Variants in FAM228B observed in about 807,000 individuals in gnomAD.
FAM228B encodes protein FAM228B.
In FAM228B, 38 loss-of-function variants were observed where a neutral mutation model predicts 42.6. The observed-to-expected ratio is 0.89, with a 90% CI of 0.69 to 1.17. The LOEUF (loss-of-function observed/expected upper bound fraction) is 1.17, where lower values mean the gene tolerates loss of function less well. Ranked by LOEUF, FAM228B falls within the 50% of genes most tolerant of loss-of-function variation. The pLI, the probability that FAM228B is intolerant of heterozygous loss-of-function variation, is 0.00. For synonymous variants in FAM228B, 109 were observed against 122.3 expected, an observed-to-expected ratio of 0.89 and a Z score of 0.72; for missense variants, 344 against 367.3, an observed-to-expected ratio of 0.94 and a Z score of 0.52.
chr2:24,077,385 G>A lies in FAM228B; in HGVS notation c.-290+416G>A. The A allele has an allele frequency of 1.8e-6, 1 of 545,858 alleles. No individual in the cohort carries two copies. The highest frequency in any genetic ancestry group is 3.3e-5 in the Admixed American group (1 of 30,592). 33.8% of individuals were successfully genotyped at this position (545,858 alleles called of 1,614,324 possible). On this transcript the variant is annotated intron_variant, in intron 1 of 10. Transcript: ENST00000613899. This position sits in a 1 kb window ranked among gnomAD's most constrained non-coding sequence, Gnocchi z 5.5. ...TAATCCCCGCTGCGACGCCCGTCCGGACTCCCACCTCAACCCCGCCGCGGC... is the reference window on the plus strand; with the variant it reads ...TAATCCCCGCTGCGACGCCCGTCCGAACTCCCACCTCAACCCCGCCGCGGC...
intron 2 of FAM228B, among the ~76,000 whole-genome samples, chr2:24,093,922 T>C (rs2150992933): frequency 6.6e-6 from 1 of 151,940 alleles, no homozygotes; most frequent in Non-Finnish European, 1.5e-5. Context: ...TGGCTGCATG[T>C]GTCTTTGTAG....
chr2:24,087,481 T>C (rs1472820972), intron 2 of FAM228B: 1 of 152,182 alleles, frequency 6.6e-6, no homozygotes, highest in Non-Finnish European at 1.5e-5. Flanking sequence ...AACAAACCCT[T>C]ATAAGCACAC....
chr2:24,129,359 T>C (rs1344966521), intron 2 of FAM228B, among the ~76,000 whole-genome samples: 2 of 151,824 alleles, frequency 1.3e-5, no homozygotes, highest in East Asian at 3.9e-4. Flanking sequence ...TGTTTCCTGC[T>C]ACTCTGTCTT....
chr2:24,160,108 G>A (rs1667253259), intron 7 of FAM228B, among the ~76,000 whole-genome samples: 1 of 151,452 alleles, frequency 6.6e-6, no homozygotes, highest in Non-Finnish European at 1.5e-5. Context: ...CCACTCCTTG[G>A]CTCCCCAAGT....
At chr2:24,158,414 A>AT (rs750053809) in intron 7 of FAM228B, among the ~76,000 whole-genome samples, 1 of 151,834 alleles carries the variant, frequency 6.6e-6, no homozygotes, top group East Asian at 1.9e-4. Context: ...CCAGTCACTG[A>AT]TTAAGTCTGT....
intron 3 of FAM228B, among the ~76,000 whole-genome samples, chr2:24,116,383 G>A (rs1267290000): frequency 6.6e-6 from 1 of 152,022 alleles, no homozygotes; most frequent in Non-Finnish European, 1.5e-5. Context: ...TTAAAGATGG[G>A]GTCTCACTAT....
At chr2:24,129,242 G>C (rs146510431) in intron 2 of FAM228B, among the ~76,000 whole-genome samples, 11 of 151,814 alleles carry the variant, frequency 7.2e-5, no homozygotes, top group Admixed American at 2.0e-4. Flanking sequence ...CTATTTCTCA[G>C]GGGCCACTGT....
chr2:24,162,988 C>T (rs368659973), intron 8 of FAM228B, among the ~76,000 whole-genome samples: 21 of 151,960 alleles, frequency 1.4e-4, no homozygotes, highest in Non-Finnish European at 2.5e-4. Context: ...ATAAGATTGT[C>T]GTGGTGGTTG....
At chr2:24,167,198 GGGCTCCA>G (rs1465135649) in intron 9 of FAM228B, among the ~76,000 whole-genome samples, 2 of 152,174 alleles carry the variant, frequency 1.3e-5, no homozygotes, top group African/African-American at 4.8e-5. Context: ...GTGAGAGCGA[GGGCTCCA>G]GGCTCCAGCG....
At chr2:24,144,141 A>T (rs925189038) in intron 5 of FAM228B, among the ~76,000 whole-genome samples, 1 of 152,188 alleles carries the variant, frequency 6.6e-6, no homozygotes, top group Non-Finnish European at 1.5e-5. Flanking sequence ...TCTATCTTCA[A>T]TTTAAAATTT....
At chr2:24,136,002 A>T (rs1211099445) in intron 3 of FAM228B, among the ~76,000 whole-genome samples, 1 of 97,044 alleles carries the variant, frequency 1.0e-5, no homozygotes, top group African/African-American at 4.0e-5. Flanking sequence ...TTTCCATAGA[A>T]TGTTTTTCTT....
chr2:24,101,747 A>G (rs1201141339), intron 3 of FAM228B, among the ~76,000 whole-genome samples: 1 of 152,122 alleles, frequency 6.6e-6, no homozygotes, highest in East Asian at 1.9e-4. Flanking sequence ...CACTGGCGCG[A>G]TCTCAGCTCA....
At chr2:24,109,594 A>G (rs981118375) in intron 3 of FAM228B, among the ~76,000 whole-genome samples, 5 of 152,226 alleles carry the variant, frequency 3.3e-5, no homozygotes, top group African/African-American at 9.6e-5. Context: ...CAAATTTACA[A>G]GCAAAAACAA....
intron 3 of FAM228B, chr2:24,115,263 C>A (rs1665877697): frequency 3.6e-6 from 1 of 279,998 alleles, no homozygotes; most frequent in Non-Finnish European, 6.9e-6. Flanking sequence ...TGGTGAGAGC[C>A]TTGCATTCTT....
chr2:24,153,190 A>G (rs1292159096), intron 7 of FAM228B, among the ~76,000 whole-genome samples: 3 of 152,078 alleles, frequency 2.0e-5, no homozygotes, highest in Non-Finnish European at 4.4e-5. Context: ...CTATCCTACT[A>G]TGACTGAGCT....
intron 3 of FAM228B, among the ~76,000 whole-genome samples, chr2:24,105,172 G>A (rs1028830589): frequency 1.3e-5 from 2 of 152,178 alleles, no homozygotes; most frequent in African/African-American, 2.4e-5. Context: ...CTGCAGGCAG[G>A]GACAACCTCG....
intron 2 of FAM228B, chr2:24,081,110 C>A: frequency 8.0e-7 from 1 of 1,244,374 alleles, no homozygotes; most frequent in Non-Finnish European, 1.1e-6. Context: ...ATCAAGATCA[C>A]CTGGCCGTTG....
chr2:24,129,433 T>G (rs1195038410), intron 2 of FAM228B, among the ~76,000 whole-genome samples: 1 of 152,124 alleles, frequency 6.6e-6, no homozygotes, highest in Non-Finnish European at 1.5e-5. Flanking sequence ...TGCTCCATTC[T>G]TTTACTCCTC....
At chr2:24,158,240 T>TA (rs1234052415) in intron 7 of FAM228B, among the ~76,000 whole-genome samples, 17 of 138,844 alleles carry the variant, frequency 1.2e-4, no homozygotes, top group African/African-American at 4.7e-4. Context: ...AAGACTCTAT[T>TA]AAAATGCCGC....
Sources: allele counts gnomAD v4.1 joint callset (sites outside exome capture counted in the v4.1 genomes callset), GRCh38; gene constraint gnomAD v4.1.1; non-coding constraint Gnocchi (gnomAD v3.1); transcripts MANE v1.5; gene names NCBI Gene and HGNC (gene_info 2026-07-23, HGNC 2026-07-21).